The following ADAM29 variants were observed in gnomAD, a reference collection of about 807,000 sequenced individuals.
ADAM29 encodes ADAM metallopeptidase domain 29.
For missense variants in ADAM29, 969 were observed against 1,001.8 expected, an observed-to-expected ratio of 0.97 and a Z score of 0.44; for synonymous variants, 367 against 342.3, an observed-to-expected ratio of 1.07 and a Z score of -0.80.
chr4:174,964,719 G>A (rs755712486), intron 4 of ADAM29, among the ~76,000 whole-genome samples: 17 of 151,804 alleles, frequency 1.1e-4, no homozygotes, highest in Admixed American at 2.6e-4. Flanking sequence ...TGCAGTGGCC[G>A]GATAAATTAA....
Position 174,936,926 on chromosome 4 carries a change from A to T in ADAM29, c.-261-7A>T, listed in dbSNP as rs1173951680. 1.3e-5 allele frequency: 2 copies of T among 152,020 alleles called. No homozygotes were observed. Among genetic ancestry groups the T allele is most frequent in the Non-Finnish European group, 2.9e-5 (2 of 67,876 alleles). The allele number at this position is 152,020 out of a possible 1,614,324, so 9.4% of individuals were successfully genotyped here. A position where few individuals can be genotyped will look rare whatever the true frequency, so the allele number is the denominator to read the frequency against. ...ATTTTAAATATAATGAGTTCCTCTT[A>T]TTCCAGAGAATGTGACTTTCCTGAA... On this transcript the variant is annotated splice_region_variant and splice_polypyrimidine_tract_variant and intron_variant, in intron 3 of 4. Coordinates refer to ENST00000359240, the MANE Select transcript of ADAM29 (RefSeq NM_014269.4).
At position 174,976,741 on chromosome 4, in the gene ADAM29, G is replaced by A; in HGVS notation, c.1216G>A (p.Glu406Lys). 1 of 1,613,964 alleles carries A rather than the reference G, an allele frequency of 6.2e-7. No individual in the cohort carries two copies. The highest frequency in any genetic ancestry group is 8.5e-7 in the Non-Finnish European group (1 of 1,179,904). Residue 406 changes from glutamate to lysine, a missense_variant, in exon 5 of 5, where the codon GAA (glutamate) becomes AAA (lysine). Coordinates refer to ENST00000359240, the MANE Select transcript of ADAM29 (RefSeq NM_014269.4). ...GAAGCGCTGTGGGAATGGTGTTGTT[G>A]AAGAAGGAGAAGAGTGTGACTGTGG... ...NVKRCGNGVV[E>K]EGEECDCGPL...
At chr4:174,970,203 TCC>T (rs1414320730) in intron 4 of ADAM29, among the ~76,000 whole-genome samples, 2 of 152,090 alleles carry the variant, frequency 1.3e-5, no homozygotes, top group Non-Finnish European at 2.9e-5. Context: ...AATAATTGTC[TCC>T]CAGAAATGTT....
intron 4 of ADAM29, among the ~76,000 whole-genome samples, chr4:174,965,267 C>A (rs571784039): frequency 1.3e-5 from 2 of 151,914 alleles, no homozygotes; most frequent in Admixed American, 6.6e-5. Context: ...ACCAAGGAAG[C>A]CAGACCCTTT....
chr4:174,950,899 T>A (rs1161781890), intron 4 of ADAM29, among the ~76,000 whole-genome samples: 1 of 152,070 alleles, frequency 6.6e-6, no homozygotes, highest in Non-Finnish European at 1.5e-5. Context: ...TCTCTCTTTG[T>A]CTCTCTCTCC....
At chr4:174,973,836 G>A (rs1579084579) in intron 4 of ADAM29, among the ~76,000 whole-genome samples, 1 of 152,168 alleles carries the variant, frequency 6.6e-6, no homozygotes, top group Non-Finnish European at 1.5e-5. Flanking sequence ...CAAAAACAAC[G>A]AGGCTTTGGT....
At chr4:174,962,491 G>C (rs936904342) in intron 4 of ADAM29, among the ~76,000 whole-genome samples, 15 of 145,056 alleles carry the variant, frequency 1.0e-4, no homozygotes, top group South Asian at 2.2e-4. Context: ...CAGCCTGGGC[G>C]ACAGAGCGAG....
In ADAM29 at chr4:174,937,470, A is replaced by G. The variant is rs867248341; in HGVS notation, c.-181+457A>G. 2.0e-5 allele frequency among the ~76,000 whole-genome samples: 3 copies of G among 152,018 alleles called. No homozygotes were observed. The South Asian group carries it at 6.2e-4, about 31-fold the overall frequency. On this transcript the variant is annotated intron_variant, in intron 4 of 4. Transcript: ENST00000359240. ...AAGTTCAAAAACATCTGACTTTTAT[A>G]TTGTGAAAAATAACCTTTTATAAAC...
chr4:174,935,293 G>A (rs1426360465), intron 3 of ADAM29, among the ~76,000 whole-genome samples: 1 of 151,946 alleles, frequency 6.6e-6, no homozygotes, highest in African/African-American at 2.4e-5. Context: ...CAAATTTCAA[G>A]GTACCTTCCC....
chr4:174,965,526 C>CTATCATT lies in ADAM29; in HGVS notation c.-180-9814_-180-9813insTTATCAT, dbSNP rs1553977785. Among the ~76,000 whole-genome samples, 984 of 149,648 alleles carry CTATCATT rather than the reference C, an allele frequency of 6.6e-3. 6 individuals carry two copies. The highest frequency in any genetic ancestry group is 0.014 in the Middle Eastern group (4 of 292). ...ATCTATCTATCTATCTATCTATCAT[C>CTATCATT]TATCATCTATTTACTTACCTATGTA... On this transcript the variant is annotated intron_variant, in intron 4 of 4. Coordinates refer to ENST00000359240, the MANE Select transcript of ADAM29 (RefSeq NM_014269.4).
At chr4:174,944,599 G>T (rs1455871842) in intron 4 of ADAM29, among the ~76,000 whole-genome samples, 2 of 151,990 alleles carry the variant, frequency 1.3e-5, no homozygotes, top group African/African-American at 4.8e-5. Flanking sequence ...TGTGTTATGG[G>T]GGTTTGATGT....
chr4:174,940,714 C>T (rs977629779), intron 4 of ADAM29, among the ~76,000 whole-genome samples: 3 of 152,112 alleles, frequency 2.0e-5, no homozygotes, highest in Non-Finnish European at 4.4e-5. Flanking sequence ...TTGCTTAAAA[C>T]AGGGCTTATA....
intron 3 of ADAM29, 116 bp from the exon 4 acceptor site, chr4:174,936,817 A>G (rs370387251): frequency 3.3e-5 from 5 of 151,954 alleles, no homozygotes; most frequent in African/African-American, 1.2e-4. Flanking sequence ...GGAGGAAAAA[A>G]TGATTTGGAG....
At chr4:174,947,645 T>C (rs752090705) in intron 4 of ADAM29, among the ~76,000 whole-genome samples, 4 of 152,204 alleles carry the variant, frequency 2.6e-5, no homozygotes, top group African/African-American at 4.8e-5. Context: ...TTTCTGAGAA[T>C]TATTTTATGG....
chr4:174,937,920 G>T (rs888674541), intron 4 of ADAM29, among the ~76,000 whole-genome samples: 1 of 151,970 alleles, frequency 6.6e-6, no homozygotes, highest in Non-Finnish European at 1.5e-5. Flanking sequence ...TACAGGTTAG[G>T]GCAAGTTTTT....
intron 4 of ADAM29, among the ~76,000 whole-genome samples, chr4:174,969,176 TTTA>T (rs1207475057): frequency 6.6e-6 from 1 of 151,446 alleles, no homozygotes; most frequent in African/African-American, 2.4e-5. Flanking sequence ...TAAAATTTTT[TTTA>T]TTATTATACT....
intron 4 of ADAM29, among the ~76,000 whole-genome samples, chr4:174,940,688 G>A (rs554933153): frequency 2.6e-5 from 4 of 152,174 alleles, no homozygotes; most frequent in South Asian, 2.1e-4. Flanking sequence ...CACTTCACAT[G>A]TGAAGTGGGG....
At chr4:174,974,170 TGAC>T (rs1356495294) in intron 4 of ADAM29, among the ~76,000 whole-genome samples, 1 of 152,236 alleles carries the variant, frequency 6.6e-6, no homozygotes, top group African/African-American at 2.4e-5. Context: ...ACATGTGTCC[TGAC>T]TCCCTGACTC....
At position 174,961,185 on chromosome 4, in the gene ADAM29, GA is replaced by G. The variant is rs1223884233; in HGVS notation, c.-180-14160del. On this transcript the variant is annotated intron_variant, in intron 4 of 4. Transcript: ENST00000359240. ...TAATATTGTCTTTTGACACATTTAT[GA>G]TGGTTATTTTTTATAAACTTCTCAT... Among the ~76,000 whole-genome samples the G allele has an allele frequency of 2.0e-5, 3 of 151,746 alleles. No homozygotes were observed. In the East Asian group the frequency reaches 5.8e-4, roughly 29 times the overall value.
Sources: gnomAD v4.1 joint callset for allele counts (sites outside exome capture counted in the v4.1 genomes callset) on GRCh38, gnomAD v4.1.1 for gene constraint, MANE v1.5 for transcripts, NCBI Gene and HGNC (gene_info 2026-07-23, HGNC 2026-07-21) for gene names.